The following FGF23 variants were observed in gnomAD, a reference collection of about 807,000 sequenced individuals.
FGF23 encodes fibroblast growth factor 23.
Under a neutral mutation model 9.0 loss-of-function variants are expected in FGF23, and 8 were observed. That is an observed-to-expected ratio of 0.89 (90% CI 0.52 to 1.60). The LOEUF is 1.60. Among genes scored for constraint, FGF23 ranks in the 40% most tolerant of loss-of-function variants. The probability of loss-of-function intolerance (pLI) is 0.00; values close to 1 mark genes in which losing one functional copy is unlikely to be tolerated. For synonymous variants in FGF23, 118 were observed against 146.2 expected (o/e 0.81, Z 1.39); for missense variants, 311 against 344.3 (o/e 0.90, Z 0.77).
chr12:4,379,424 C>A lies in FGF23; in HGVS notation c.159G>T (p.Leu53=), dbSNP rs765597711. 2.5e-6 allele frequency: 4 copies of A among 1,613,378 alleles called. No individual in the cohort carries two copies. Among genetic ancestry groups the A allele is most frequent in the Non-Finnish European group, 3.4e-6 (4 of 1,180,044 alleles). Residue 53 remains leucine, a synonymous_variant, in exon 1 of 3, where the codon CTG becomes CTT. Coordinates refer to ENST00000237837, the MANE Select transcript of FGF23 (RefSeq NM_020638.3). The stretch of plus-strand genomic sequence containing the variant: ...CCACATGGCCATTCTTGTGGATCTG[C>A]AGGTGGTAGCTGTTCCTGGCTGTGG... ...YTATARNSYH[L]QIHKNGHVDG...
rs149547348 is a variant in FGF23 at position 4,370,608 on chromosome 12, A to T, written c.491T>A (p.Ile164Asn). 1 of 1,613,620 alleles carries T rather than the reference A, an allele frequency of 6.2e-7. No homozygotes were observed. The highest frequency in any genetic ancestry group is 2.2e-5 in the East Asian group (1 of 44,832). Residue 164 changes from isoleucine to asparagine, a missense_variant, in exon 3 of 3, where the codon ATC becomes AAC. Physicochemically the swap from Ile to Asn is moderately radical, Grantham distance 149 (BLOSUM62 -3). Transcript: ENST00000237837. ...GGGGGTGTTGAAGTGAATTAGGGGG[A>T]TCTCGTTCCTCCGGGACAGGAACTG... is the stretch of plus-strand genomic sequence containing the variant. ...YSQFLSRRNEIPLIHFNTPIP... is the reference protein window; with the variant it reads ...YSQFLSRRNENPLIHFNTPIP...
Position 4,369,051 on chromosome 12 carries a change from G to A in FGF23, c.*1292C>T, listed in dbSNP as rs897877189. The A allele has an allele frequency of 2.6e-5, 6 of 227,816 alleles. No individual in the cohort carries two copies. The highest frequency in any genetic ancestry group is 5.2e-5 in the Non-Finnish European group (6 of 114,738). The allele number at this position is 227,816 out of a possible 1,614,324, so 14.1% of individuals were successfully genotyped here. A position where few individuals can be genotyped will look rare whatever the true frequency, so the allele number is the denominator to read the frequency against. ...GGAGGAAAATGGAGCCCCCTTACAG[G>A]AAGAACCGCAGTAATGGGGTAAGGC... On this transcript the variant is annotated 3_prime_UTR_variant, in exon 3 of 3. Coordinates refer to ENST00000237837, the MANE Select transcript of FGF23 (RefSeq NM_020638.3).
chr12:4,377,682 G>A (rs931679599), intron 1 of FGF23, among the ~76,000 whole-genome samples: 19 of 142,508 alleles, frequency 1.3e-4, no homozygotes, highest in Admixed American at 6.3e-4. Flanking sequence ...TGCCTGCCTC[G>A]GCCTCCCAGA....
chr12:4,376,997 T>C (rs1170492442), intron 1 of FGF23, among the ~76,000 whole-genome samples: 4 of 152,186 alleles, frequency 2.6e-5, no homozygotes, highest in African/African-American at 7.2e-5. Context: ...TTTAACTCTT[T>C]AAAGATGCAA....
rs768568647 is a variant in FGF23, at chr12:4,370,492, G to C, written c.607C>G (p.Pro203Ala). 1 of 1,611,856 alleles carries C rather than the reference G, an allele frequency of 6.2e-7. No homozygotes were observed. Among genetic ancestry groups the C allele is most frequent in the South Asian group, 1.1e-5 (1 of 91,002 alleles). Residue 203 changes from proline (P) to alanine (A), a missense_variant, in exon 3 of 3, where the codon CCG becomes GCG. This residue lies in a region of FGF23 where 206 missense variants were observed against 219.2 expected (regional missense o/e 0.94). Transcript: ENST00000237837. Reference sequence around the variant, plus strand: ...GGGAGCTCCTGTGAACAGGAGGCCGGGGCCGGGGTCATCCGGGCCCGGGGC... The same window carrying C: ...GGGAGCTCCTGTGAACAGGAGGCCGCGGCCGGGGTCATCCGGGCCCGGGGC... ...LKPRARMTPA[P>A]ASCSQELPSA... is the part of the protein sequence containing the mutation.
In FGF23 at chr12:4,368,851, A is replaced by G. The variant is rs986708682; in HGVS notation, c.*1492T>C. 1.9e-4 allele frequency: 41 copies of G among 218,086 alleles called. No individual in the cohort carries two copies. The Middle Eastern group carries it at 7.3e-3, about 39-fold the overall frequency. The allele number at this position is 218,086 out of a possible 1,614,324, so 13.5% of individuals were successfully genotyped here. A position where few individuals can be genotyped will look rare whatever the true frequency, so the allele number is the denominator to read the frequency against. ...AACCAGTCCTTCAAGTTCAGCTTAA[A>G]ACCATCAGGTAAAAACAGTTGCCCA... is the stretch of plus-strand genomic sequence containing the variant. On this transcript the variant is annotated 3_prime_UTR_variant, in exon 3 of 3. Transcript: ENST00000237837.
chr12:4,376,985 T>C (rs13312759), intron 1 of FGF23, among the ~76,000 whole-genome samples: 2,235 of 152,300 alleles, frequency 0.015, 52 homozygotes, highest in African/African-American at 0.052. Context: ...CCCGCATTCA[T>C]GTTTAACTCT....
intron 1 of FGF23, 102 bp downstream of exon 1, chr12:4,379,270 A>G: frequency 1.0e-6 from 1 of 967,392 alleles, no homozygotes; most frequent in Admixed American, 1.7e-5. Flanking sequence ...GAAAGCTAGG[A>G]GGGTTGGATT....
intron 1 of FGF23, among the ~76,000 whole-genome samples, chr12:4,373,420 G>A (rs984356786): frequency 3.3e-5 from 5 of 152,154 alleles, no homozygotes; most frequent in African/African-American, 1.2e-4. Flanking sequence ...TATCCAGTGC[G>A]TTCCTTAGAG....
chr12:4,377,597 AT>A (rs369990860), intron 1 of FGF23, among the ~76,000 whole-genome samples: 31 of 140,564 alleles, frequency 2.2e-4, no homozygotes, highest in South Asian at 1.0e-3. Flanking sequence ...CGCCTGGCTA[AT>A]TTTTTGTATT....
chr12:4,376,467 A>C (rs1479793701), intron 1 of FGF23, among the ~76,000 whole-genome samples: 2 of 152,194 alleles, frequency 1.3e-5, no homozygotes, highest in Non-Finnish European at 2.9e-5. Flanking sequence ...CCTTCACCAG[A>C]CATTTAATTA....
At chr12:4,375,214 G>A (rs1025337063) in intron 1 of FGF23, among the ~76,000 whole-genome samples, 11 of 152,182 alleles carry the variant, frequency 7.2e-5, no homozygotes, top group African/African-American at 2.7e-4. Flanking sequence ...GCAAACAGAG[G>A]ACATCACGTG....
At chr12:4,377,844 T>G (rs1865135705) in intron 1 of FGF23, among the ~76,000 whole-genome samples, 1 of 152,198 alleles carries the variant, frequency 6.6e-6, no homozygotes, top group Non-Finnish European at 1.5e-5. Flanking sequence ...GACCATGAGG[T>G]CCTTGAAGGG....
At chr12:4,371,362 A>G (rs772492130) in intron 2 of FGF23, among the ~76,000 whole-genome samples, 7 of 152,190 alleles carry the variant, frequency 4.6e-5, no homozygotes, top group Non-Finnish European at 8.8e-5. Context: ...CTACATGCCT[A>G]GAGGGGTTAA....
At position 4,370,159 on chromosome 12, in the gene FGF23, C is replaced by T; in HGVS notation, c.*184G>A. The T allele has an allele frequency of 1.6e-6, 1 of 617,302 alleles. No homozygotes were observed. The highest frequency in any genetic ancestry group is 2.7e-5 in the Admixed American group (1 of 36,788). 38.2% of individuals were successfully genotyped at this position (617,302 alleles called of 1,614,324 possible). A position where few individuals can be genotyped will look rare whatever the true frequency, so the allele number is the denominator to read the frequency against. On this transcript the variant is annotated 3_prime_UTR_variant, in exon 3 of 3. Transcript: ENST00000237837. ...TATGGAGTGAGGAAGGCGGTGAAAC[C>T]CCATGACTTGGGCCTCAAAGGTTGG...
chr12:4,371,011 G>A (rs920302852), intron 2 of FGF23, among the ~76,000 whole-genome samples: 3 of 152,174 alleles, frequency 2.0e-5, no homozygotes, highest in African/African-American at 7.2e-5. Context: ...TGGGGCCTCC[G>A]CTTACTGCCT....
chr12:4,373,431 T>C (rs945104584), intron 1 of FGF23, among the ~76,000 whole-genome samples: 2 of 152,186 alleles, frequency 1.3e-5, no homozygotes, highest in Non-Finnish European at 2.9e-5. Context: ...TTCCTTAGAG[T>C]GAGCTGCTTA....
intron 1 of FGF23, among the ~76,000 whole-genome samples, chr12:4,374,918 C>T (rs1421487646): frequency 6.6e-6 from 1 of 152,144 alleles, no homozygotes; most frequent in Non-Finnish European, 1.5e-5. Flanking sequence ...TAACAAGCCT[C>T]CAGCAGAAAT....
At chr12:4,371,146 A>T (rs1865060535) in intron 2 of FGF23, among the ~76,000 whole-genome samples, 1 of 152,028 alleles carries the variant, frequency 6.6e-6, no homozygotes, top group Admixed American at 6.6e-5. Flanking sequence ...TTTACTGGAG[A>T]AAGGAGAGGG....
Sources: allele counts gnomAD v4.1 joint callset (sites outside exome capture counted in the v4.1 genomes callset), GRCh38; gene constraint gnomAD v4.1.1; regional missense constraint gnomAD v4.1.1; transcripts MANE v1.5; gene names NCBI Gene and HGNC (gene_info 2026-07-23, HGNC 2026-07-21).